NOSTRIN: variants seen among roughly 807,000 people sequenced by gnomAD.
The protein encoded by NOSTRIN is BM247 homolog.
Under a neutral mutation model 59.0 loss-of-function variants are expected in NOSTRIN, and 63 were observed. The observed-to-expected ratio is 1.07, with a 90% CI of 0.87 to 1.32. NOSTRIN has a LOEUF of 1.32. Ranked by LOEUF, NOSTRIN falls within the 40% of genes most tolerant of loss-of-function variation. NOSTRIN has a pLI of 0.00. For synonymous variants in NOSTRIN, 200 were observed against 165.4 expected (o/e 1.21, Z -1.61); for missense variants, 512 against 473.1 (o/e 1.08, Z -0.76).
intron 1 of NOSTRIN, among the ~76,000 whole-genome samples, chr2:168,810,581 G>T (rs1412131152): frequency 6.6e-6 from 1 of 152,102 alleles, no homozygotes; most frequent in African/African-American, 2.4e-5. Flanking sequence ...TCTCAATATG[G>T]TGCCCAACTG....
intron 10 of NOSTRIN, among the ~76,000 whole-genome samples, chr2:168,851,676 G>A (rs1688776443): frequency 6.6e-6 from 1 of 152,182 alleles, no homozygotes; most frequent in Non-Finnish European, 1.5e-5. Flanking sequence ...AGGCAGACAT[G>A]TTTCAATGAC....
intron 2 of NOSTRIN, 138 bp from the exon 3 acceptor site, chr2:168,824,496 A>C: frequency 1.8e-6 from 1 of 556,394 alleles, no homozygotes; most frequent in South Asian, 2.0e-5. Context: ...ACTGGGTTTC[A>C]CCATGTTGGC....
At chr2:168,802,560 C>T (rs1262180629), upstream of NOSTRIN, 33 of 826,180 alleles carry the variant, frequency 4.0e-5, no homozygotes, top group Non-Finnish European at 6.7e-5. Context: ...CTTTGAATCC[C>T]GGAAGTCCAG....
chr2:168,797,161 T>C (rs1388168895), upstream of NOSTRIN, among the ~76,000 whole-genome samples: 1 of 139,602 alleles, frequency 7.2e-6, no homozygotes, highest in African/African-American at 2.6e-5. Flanking sequence ...TGAACACGGC[T>C]TATTGCAGCC....
intron 1 of NOSTRIN, among the ~76,000 whole-genome samples, chr2:168,809,777 A>G (rs1190784492): frequency 6.7e-6 from 1 of 148,996 alleles, no homozygotes; most frequent in East Asian, 1.9e-4. Flanking sequence ...AATAAATAAT[A>G]AAAATAATAA....
intron 8 of NOSTRIN, among the ~76,000 whole-genome samples, chr2:168,849,469 C>A (rs980352697): frequency 1.3e-5 from 2 of 152,014 alleles, no homozygotes; most frequent in African/African-American, 4.8e-5. Flanking sequence ...GATTCTCCTG[C>A]CTCAGCCTCC....
At chr2:168,799,096 T>A (rs917132690), upstream of NOSTRIN, among the ~76,000 whole-genome samples, 1 of 151,994 alleles carries the variant, frequency 6.6e-6, no homozygotes, top group Non-Finnish European at 1.5e-5. Context: ...GTTATTTTCA[T>A]GGAAATTCTT....
chr2:168,863,380 G>C lies in NOSTRIN; in HGVS notation c.1384+1331G>C, dbSNP rs912658369. 3 of 983,154 alleles carry C rather than the reference G, an allele frequency of 3.1e-6. No individual in the cohort carries two copies. In the African/African-American group the frequency reaches 5.2e-5, roughly 17 times the overall value. 60.9% of individuals were successfully genotyped at this position (983,154 alleles called of 1,614,324 possible). ...TTAATAATTTCCTTTGTCTTAGAAA[G>C]AAAGTTGCTGAGGAAAAGAGTGAAA... On this transcript the variant is annotated intron_variant, in intron 15 of 15. Coordinates refer to ENST00000317647, the MANE Select transcript of NOSTRIN (RefSeq NM_001039724.4).
intron 15 of NOSTRIN, among the ~76,000 whole-genome samples, chr2:168,862,928 G>A (rs548668919): frequency 2.7e-4 from 41 of 152,268 alleles, no homozygotes; most frequent in African/African-American, 8.4e-4. Context: ...GTAGCCAAAC[G>A]ACAGGGACAC....
chr2:168,816,810 C>T (rs1015605206), intron 2 of NOSTRIN, among the ~76,000 whole-genome samples: 1 of 152,144 alleles, frequency 6.6e-6, no homozygotes, highest in African/African-American at 2.4e-5. Context: ...CTAGCATGGG[C>T]TTGGCACTGA....
intron 1 of NOSTRIN, among the ~76,000 whole-genome samples, chr2:168,809,762 TA>T (rs944635980): frequency 6.8e-6 from 1 of 147,872 alleles, no homozygotes; most frequent in African/African-American, 2.5e-5. Flanking sequence ...ATATTAAATA[TA>T]AAAAATAAAT....
intron 7 of NOSTRIN, among the ~76,000 whole-genome samples, chr2:168,837,047 G>C (rs866717272): frequency 6.6e-6 from 1 of 152,096 alleles, no homozygotes; most frequent in Admixed American, 6.6e-5. Context: ...GCATTCTCAC[G>C]TGGTGGAAAG....
rs145769077 is a variant in NOSTRIN, at chr2:168,815,016, A to T, written c.113+3364A>T. The stretch of plus-strand genomic sequence containing the variant: ...TGTCCTTGGAGGTATGCATTTCCAG[A>T]CCCCTTACTTAAGAGCTCCTGGAAT... On this transcript the variant is annotated intron_variant, in intron 2 of 15. Transcript: ENST00000317647. Among the ~76,000 whole-genome samples the T allele has an allele frequency of 6.6e-5, 10 of 152,206 alleles. No individual in the cohort carries two copies. In the East Asian group the frequency reaches 1.9e-3, roughly 29 times the overall value.
Position 168,811,584 on chromosome 2 carries a change from G to A in NOSTRIN, c.45G>A (p.Lys15=). ...LTDCPYNKVY[K]NLKEFSQNGE... is the part of the protein sequence containing the mutation. Reference sequence around the variant, plus strand: ...TTTTTCAGTATAATAAAGTATACAAGAACCTAAAGGAGTTTTCTCAAAATG... The same window carrying A: ...TTTTTCAGTATAATAAAGTATACAAAAACCTAAAGGAGTTTTCTCAAAATG... Residue 15 remains lysine (K), a synonymous_variant, in exon 2 of 16, where the codon AAG becomes AAA. Coordinates refer to ENST00000317647, the MANE Select transcript of NOSTRIN (RefSeq NM_001039724.4). 2 of 856,924 alleles carry A rather than the reference G, an allele frequency of 2.3e-6. No individual in the cohort carries two copies. Among genetic ancestry groups the A allele is most frequent in the South Asian group, 2.7e-5 (2 of 72,976 alleles). The allele number at this position is 856,924 out of a possible 1,614,324, so 53.1% of individuals were successfully genotyped here.
intron 6 of NOSTRIN, among the ~76,000 whole-genome samples, chr2:168,833,046 T>A (rs1458831866): frequency 3.3e-5 from 5 of 152,220 alleles, no homozygotes; most frequent in Admixed American, 2.0e-4. Context: ...AGAAAAAACA[T>A]CTTTTATCAT....
chr2:168,805,042 TA>T (rs1246651328), intron 1 of NOSTRIN, among the ~76,000 whole-genome samples: 4 of 152,182 alleles, frequency 2.6e-5, no homozygotes, highest in African/African-American at 9.7e-5. Context: ...AAATACATTC[TA>T]AAAAATATAT....
At chr2:168,831,686 T>G in intron 6 of NOSTRIN, 152 bp downstream of exon 6, 1 of 590,182 alleles carries the variant, frequency 1.7e-6, no homozygotes, top group Non-Finnish European at 3.1e-6. Flanking sequence ...TACACAGATA[T>G]ATTTTTCACC....
At chr2:168,794,565 A>G (rs552436780), upstream of NOSTRIN, among the ~76,000 whole-genome samples, 10 of 151,956 alleles carry the variant, frequency 6.6e-5, no homozygotes, top group Admixed American at 6.6e-4. Context: ...GTTAGCCAGG[A>G]TGGTCTTGAT....
chr2:168,862,004 T>G lies in NOSTRIN; in HGVS notation c.1339T>G (p.Tyr447Asp), dbSNP rs371977853. ...QLSSRLCKAL[Y>D]SFQARQDDEL... is the part of the protein sequence containing the mutation. ...CAGCAGCAGACTTTGCAAGGCCTTG[T>G]ATTCTTTTCAAGCCAGGCAAGATGA... is the stretch of plus-strand genomic sequence containing the variant. Residue 447 changes from tyrosine to aspartate, a missense_variant, in exon 15 of 16, where the codon TAT (tyrosine) becomes GAT (aspartate). Coordinates refer to ENST00000317647, the MANE Select transcript of NOSTRIN (RefSeq NM_001039724.4). 2.5e-6 allele frequency: 4 copies of G among 1,614,082 alleles called. No homozygotes were observed. The highest frequency in any genetic ancestry group is 1.3e-5 in the African/African-American group (1 of 74,944).
Sources: gnomAD v4.1 joint callset for allele counts (sites outside exome capture counted in the v4.1 genomes callset) on GRCh38, gnomAD v4.1.1 for gene constraint, MANE v1.5 for transcripts, NCBI Gene and HGNC (gene_info 2026-07-23, HGNC 2026-07-21) for gene names.